The following PCNX2 variants were observed in gnomAD, a reference collection of about 807,000 sequenced individuals.
PCNX2 encodes pecanex 2.
In PCNX2, 168 loss-of-function variants were observed where a neutral mutation model predicts 223.8. That is an observed-to-expected ratio of 0.75 (90% CI 0.66 to 0.85). The LOEUF is 0.85. PCNX2 is among the 40% of genes least tolerant of loss of function. The pLI, the probability that PCNX2 is intolerant of heterozygous loss-of-function variation, is 0.00. For missense variants in PCNX2, 2,507 were observed against 2,675.5 expected (o/e 0.94, Z 1.39); for synonymous variants, 1,006 against 1,052.6 (o/e 0.96, Z 0.86).
At chr1:233,069,576 C>A (rs1435810334) in intron 23 of PCNX2, among the ~76,000 whole-genome samples, 1 of 151,844 alleles carries the variant, frequency 6.6e-6, no homozygotes, top group Non-Finnish European at 1.5e-5. Flanking sequence ...AATATCCAAA[C>A]ATTTGGAAAC....
At chr1:233,041,432 G>A (rs1671642646) in intron 25 of PCNX2, among the ~76,000 whole-genome samples, 1 of 152,130 alleles carries the variant, frequency 6.6e-6, no homozygotes, top group Non-Finnish European at 1.5e-5. Context: ...CAGTCAAAAT[G>A]CGGGTGCACA....
At chr1:233,101,151 A>G (rs1674466955) in intron 21 of PCNX2, among the ~76,000 whole-genome samples, 1 of 152,188 alleles carries the variant, frequency 6.6e-6, no homozygotes, top group South Asian at 2.1e-4. Flanking sequence ...AGCCCAGCTG[A>G]GGGATTAAAA....
chr1:233,160,775 A>C (rs181176141), intron 18 of PCNX2, among the ~76,000 whole-genome samples: 2 of 152,296 alleles, frequency 1.3e-5, no homozygotes, highest in Non-Finnish European at 1.5e-5. Context: ...TCATGGATGG[A>C]CAATATTTTT....
chr1:233,029,463 G>C (rs1206066317), intron 25 of PCNX2, among the ~76,000 whole-genome samples: 1 of 152,016 alleles, frequency 6.6e-6, no homozygotes, highest in Non-Finnish European at 1.5e-5. Context: ...AAAAATCTTT[G>C]CTCACATATT....
At chr1:233,308,327 T>C in the PCNX2 span, among the ~76,000 whole-genome samples, 1 of 152,000 alleles carries the variant, frequency 6.6e-6, no homozygotes, top group Non-Finnish European at 1.5e-5. Context: ...GGCATGGTGG[T>C]GGATGCCTGC....
intron 23 of PCNX2, among the ~76,000 whole-genome samples, chr1:233,087,984 A>ACTTCTTTG (rs1427900806): frequency 6.6e-6 from 1 of 152,204 alleles, no homozygotes; most frequent in Non-Finnish European, 1.5e-5. Context: ...CGGCAGAATC[A>ACTTCTTTG]CTTCTTTGTG....
rs531248702 is a variant in PCNX2, at chr1:233,055,905, C to A, written c.4135+1327G>T. Among the ~76,000 whole-genome samples the A allele has an allele frequency of 3.9e-5, 6 of 152,102 alleles. No homozygotes were observed. In the South Asian group the frequency reaches 1.2e-3, roughly 32 times the overall value. On this transcript the variant is annotated intron_variant, in intron 24 of 33. Transcript: ENST00000258229. ...AGTGGTACAAGAAGGTGAAGATGCC[C>A]CAAGTGCGCTTACATAAGGAAGATC...
At chr1:233,288,736 A>C in intron 1 of PCNX2, 1 of 597,136 alleles carries the variant, frequency 1.7e-6, no homozygotes, top group Non-Finnish European at 2.9e-6. Flanking sequence ...ATGGGATGGC[A>C]TTCAGCCCAA....
At chr1:233,028,407 T>C (rs75126994) in intron 25 of PCNX2, among the ~76,000 whole-genome samples, 2 of 152,350 alleles carry the variant, frequency 1.3e-5, no homozygotes, top group East Asian at 1.9e-4. Context: ...TATAGTTCTG[T>C]TATCAGGTGT....
chr1:233,080,755 G>T (rs1291165124), intron 23 of PCNX2, among the ~76,000 whole-genome samples: 2 of 152,076 alleles, frequency 1.3e-5, no homozygotes, highest in Admixed American at 1.3e-4. Flanking sequence ...CGCACTGTGG[G>T]TCAGCATTTC....
Position 233,146,378 on chromosome 1 carries a change from CAGTCTTTTTG to C in PCNX2, c.3518-6533_3518-6524del, listed in dbSNP as rs957902936. Among the ~76,000 whole-genome samples the C allele has an allele frequency of 2.3e-4, 35 of 152,232 alleles. No individual in the cohort carries two copies. The Middle Eastern group carries it at 0.014, about 59-fold the overall frequency. On this transcript the variant is annotated intron_variant, in intron 19 of 33. Transcript: ENST00000258229. Reference sequence around the variant, plus strand: ...TAACAGAGGTTCTGGGGGAAAAAAGCAGTCTTTTTGAAGTACTTTTCTGATTATGAAATAA... The same window carrying C: ...TAACAGAGGTTCTGGGGGAAAAAAGCAAGTACTTTTCTGATTATGAAATAA...
intron 28 of PCNX2, among the ~76,000 whole-genome samples, chr1:233,011,993 C>T (rs1670484634): frequency 6.6e-6 from 1 of 152,126 alleles, no homozygotes; most frequent in Admixed American, 6.5e-5. Flanking sequence ...CAACCTTCAA[C>T]CTGTGGGTTC....
At chr1:233,207,210 T>G (rs1191089669) in intron 13 of PCNX2, among the ~76,000 whole-genome samples, 17 of 152,076 alleles carry the variant, frequency 1.1e-4, no homozygotes, top group Non-Finnish European at 1.0e-4. Flanking sequence ...TACCAGGGTT[T>G]TCACCTATAA....
chr1:232,998,240 G>A lies in PCNX2; in HGVS notation c.5791+11C>T. ...CTTCATCGATAGTTTGGAGGCCCCT[G>A]CTGCACCCACCTGTTCTCTGTGTCC... On this transcript the variant is annotated intron_variant, in intron 32 of 33. Transcript: ENST00000258229. 6.5e-7 allele frequency: 1 copy of A among 1,545,598 alleles called. No individual in the cohort carries two copies. The highest frequency in any genetic ancestry group is 8.7e-7 in the Non-Finnish European group (1 of 1,146,558).
intron 23 of PCNX2, among the ~76,000 whole-genome samples, chr1:233,085,298 C>T (rs1365131198): frequency 2.0e-5 from 3 of 150,190 alleles, no homozygotes; most frequent in African/African-American, 7.4e-5. Context: ...TGCCACTGCA[C>T]TCCAGCCTGG....
intron 15 of PCNX2, among the ~76,000 whole-genome samples, chr1:233,193,973 A>G (rs1021387994): frequency 2.6e-5 from 4 of 152,260 alleles, no homozygotes; most frequent in African/African-American, 9.6e-5. Context: ...GAAAAGAAAA[A>G]CAGAACAAGG....
Position 233,250,744 on chromosome 1 carries a change from C to A in PCNX2, c.2217G>T (p.Gln739His), listed in dbSNP as rs571113285. ...GGAAACAAAGCTCCACTCACCGAGC[C>A]TGAGAGAGACAGTCATTATTTGATG... ...PLPSNNDCLS[Q>H]AREMQVSSSS... The change falls in exon 8 of 34, where the codon CAG becomes CAT. Residue 739 changes from glutamine (Q) to histidine (H), a missense_variant. Coordinates refer to ENST00000258229, the MANE Select transcript of PCNX2 (RefSeq NM_014801.4). The A allele has an allele frequency of 6.2e-7, 1 of 1,604,262 alleles. No individual in the cohort carries two copies. The highest frequency in any genetic ancestry group is 1.3e-5 in the African/African-American group (1 of 74,878).
intron 9 of PCNX2, among the ~76,000 whole-genome samples, chr1:233,236,081 T>C (rs996874962): frequency 1.3e-5 from 2 of 150,082 alleles, no homozygotes; most frequent in Admixed American, 6.7e-5. Flanking sequence ...GACACTCACA[T>C]GACATCATAC....
intron 25 of PCNX2, among the ~76,000 whole-genome samples, chr1:233,037,121 A>T (rs188563980): frequency 6.6e-6 from 1 of 152,310 alleles, no homozygotes; most frequent in African/African-American, 2.4e-5. Context: ...TAATCAATCC[A>T]GTTTAGATTA....
Sources: gnomAD v4.1 joint callset for allele counts (sites outside exome capture counted in the v4.1 genomes callset) on GRCh38, gnomAD v4.1.1 for gene constraint, MANE v1.5 for transcripts, NCBI Gene and HGNC (gene_info 2026-07-23, HGNC 2026-07-21) for gene names.